SDK1: variants seen among roughly 807,000 people sequenced by gnomAD.
SDK1 encodes protein sidekick-1.
Under a neutral mutation model 245.5 loss-of-function variants are expected in SDK1, and 157 were observed. The ratio of observed to expected loss-of-function variants is 0.64; its 90% confidence interval spans 0.56 to 0.73. SDK1 has a LOEUF of 0.73. Ranked by LOEUF, SDK1 falls within the 30% of genes least tolerant of loss-of-function variation. SDK1 has a pLI of 0.00. For missense variants in SDK1, 3,583 were observed against 3,002.3 expected, an observed-to-expected ratio of 1.19 and a Z score of -4.52; for synonymous variants, 1,647 against 1,278.5, an observed-to-expected ratio of 1.29 and a Z score of -6.15.
chr7:4,017,825 T>A (rs143559376), intron 17 of SDK1, among the ~76,000 whole-genome samples: 1 of 152,240 alleles, frequency 6.6e-6, no homozygotes, highest in Non-Finnish European at 1.5e-5. Flanking sequence ...TTTTCAGTTA[T>A]ACAAGCAAAC....
At chr7:3,776,247 C>T (rs1357767066) in intron 4 of SDK1, among the ~76,000 whole-genome samples, 3 of 152,166 alleles carry the variant, frequency 2.0e-5, no homozygotes, top group Non-Finnish European at 2.9e-5. Flanking sequence ...CAGACATTGT[C>T]AATTTGGTGT....
At chr7:4,121,922 C>T (rs1054285420) in intron 25 of SDK1, among the ~76,000 whole-genome samples, 2 of 152,098 alleles carry the variant, frequency 1.3e-5, no homozygotes, top group Admixed American at 6.5e-5. Flanking sequence ...TTTTGGTTCA[C>T]GTGTTTCCAT....
chr7:3,867,393 G>T (rs1036115819), intron 5 of SDK1, among the ~76,000 whole-genome samples: 1 of 152,188 alleles, frequency 6.6e-6, no homozygotes, highest in Non-Finnish European at 1.5e-5. Flanking sequence ...AAAACCTAAT[G>T]TATTAGTCCA....
intron 1 of SDK1, among the ~76,000 whole-genome samples, chr7:3,537,339 C>A (rs1405300117): frequency 6.6e-6 from 1 of 152,188 alleles, no homozygotes; most frequent in Non-Finnish European, 1.5e-5. Context: ...GGCCCTAAGT[C>A]ACACAGCTGG....
In SDK1 at chr7:3,962,814, A is replaced by G; in HGVS notation, c.1392A>G (p.Gly464=). The G allele has an allele frequency of 6.2e-7, 1 of 1,613,512 alleles. No homozygotes were observed. Among genetic ancestry groups the G allele is most frequent in the East Asian group, 2.2e-5 (1 of 44,872 alleles). The change falls in exon 9 of 45, where the codon GGA becomes GGG. Residue 464 remains glycine (G), a synonymous_variant. Transcript: ENST00000404826. ...TCCAGTGCTTCGCCAGCAATGAAGG[A>G]GGGGAGATCCAGACCCACACCTACC... ...GIFQCFASNE[G]GEIQTHTYLD...
At chr7:3,360,885 A>G (rs1229608585) in intron 1 of SDK1, among the ~76,000 whole-genome samples, 10 of 93,706 alleles carry the variant, frequency 1.1e-4, no homozygotes, top group African/African-American at 3.7e-4. Flanking sequence ...AGTACTGCCT[A>G]TGTGTCATGA....
At chr7:3,635,100 T>C (rs796466777) in intron 2 of SDK1, among the ~76,000 whole-genome samples, 1 of 152,360 alleles carries the variant, frequency 6.6e-6, no homozygotes, top group African/African-American at 2.4e-5. Context: ...TCACAGCATG[T>C]AATAATCAAA....
chr7:3,468,000 T>G (rs116937062), intron 1 of SDK1, among the ~76,000 whole-genome samples: 673 of 152,214 alleles, frequency 4.4e-3, no homozygotes, highest in Non-Finnish European at 7.4e-3. Flanking sequence ...AGATTTTAAA[T>G]CGTTTTCCAC....
At chr7:4,159,066 G>T (rs932386052) in intron 31 of SDK1, among the ~76,000 whole-genome samples, 1 of 152,204 alleles carries the variant, frequency 6.6e-6, no homozygotes, top group Non-Finnish European at 1.5e-5. Context: ...TATCAGCCGC[G>T]TCCAGCGGTG....
In SDK1 at chr7:3,637,092, T is replaced by C. The variant is rs543934100; in HGVS notation, c.459-1912T>C. On this transcript the variant is annotated intron_variant, in intron 2 of 44. Transcript: ENST00000404826. ...GAGAGAGAGTGCGTGCGCGCGTGTGTGTGTGTGTGTGTGTGTGTGTTTTGA... is the reference window on the plus strand; with the variant it reads ...GAGAGAGAGTGCGTGCGCGCGTGTGCGTGTGTGTGTGTGTGTGTGTTTTGA... Among the ~76,000 whole-genome samples, 674 of 149,998 alleles carry C rather than the reference T, an allele frequency of 4.5e-3. 8 individuals are homozygous for C. The highest frequency in any genetic ancestry group is 0.015 in the African/African-American group (617 of 40,872).
chr7:3,832,014 G>C (rs1317752292), intron 5 of SDK1, among the ~76,000 whole-genome samples: 3 of 152,080 alleles, frequency 2.0e-5, no homozygotes, highest in Non-Finnish European at 4.4e-5. Flanking sequence ...TCACACCACT[G>C]TACTCCAGCC....
intron 1 of SDK1, among the ~76,000 whole-genome samples, chr7:3,367,002 A>G (rs1038228047): frequency 7.2e-5 from 11 of 152,086 alleles, no homozygotes; most frequent in African/African-American, 2.7e-4. Flanking sequence ...AGCCTCCCAA[A>G]GTGCTGGGAT....
intron 5 of SDK1, among the ~76,000 whole-genome samples, chr7:3,840,920 C>G (rs1024730106): frequency 6.6e-6 from 1 of 152,166 alleles, no homozygotes; most frequent in African/African-American, 2.4e-5. Context: ...AAGGACCACC[C>G]TAGAGAGAAT....
chr7:4,260,471 TG>T (rs1281176234), intron 44 of SDK1, among the ~76,000 whole-genome samples: 1 of 139,464 alleles, frequency 7.2e-6, no homozygotes, highest in Non-Finnish European at 1.6e-5. Flanking sequence ...TCTCTGTGTG[TG>T]TGGGAAGATG....
In SDK1 at chr7:3,569,625, C is replaced by T. The variant is rs772349986; in HGVS notation, c.299-49455C>T. On this transcript the variant is annotated intron_variant, in intron 1 of 44. Transcript: ENST00000404826. ...TCTTCAAGGCAATTTTCACTTCCAA[C>T]GTGATCTACAGAAGTGCTCACAAGA... Among the ~76,000 whole-genome samples the T allele has an allele frequency of 3.9e-5, 6 of 152,194 alleles. No homozygotes were observed. In the East Asian group the frequency reaches 5.8e-4, roughly 15 times the overall value.
chr7:3,850,022 A>C (rs1780378950), intron 5 of SDK1, among the ~76,000 whole-genome samples: 1 of 152,238 alleles, frequency 6.6e-6, no homozygotes, highest in Non-Finnish European at 1.5e-5. Context: ...AAGGCTCAGT[A>C]GAGTTTCTTG....
chr7:4,174,313 C>T lies in SDK1; in HGVS notation c.4892C>T (p.Ala1631Val). The change falls in exon 33 of 45, where the codon GCC (alanine) becomes GTC (valine). Residue 1631 changes from alanine (A) to valine (V), a missense_variant. Ala to Val is a moderately conservative substitution (Grantham distance 64). Coordinates refer to ENST00000404826, the MANE Select transcript of SDK1 (RefSeq NM_152744.4). ...LEYEAGSGTEAKTLKNPIALH... is the reference protein window; with the variant it reads ...LEYEAGSGTEVKTLKNPIALH... ...TATGAAGCCGGGTCAGGCACTGAGGCCAAGACGCTCAAAAACCCTATAGCT... is the reference window on the plus strand; with the variant it reads ...TATGAAGCCGGGTCAGGCACTGAGGTCAAGACGCTCAAAAACCCTATAGCT... The T allele has an allele frequency of 1.9e-6, 3 of 1,613,870 alleles. No individual in the cohort carries two copies. The highest frequency in any genetic ancestry group is 2.5e-6 in the Non-Finnish European group (3 of 1,179,790).
At chr7:3,891,910 A>G (rs1164946734) in intron 5 of SDK1, among the ~76,000 whole-genome samples, 2 of 152,172 alleles carry the variant, frequency 1.3e-5, no homozygotes, top group African/African-American at 4.8e-5. Context: ...GGAGGAGGCA[A>G]GGTGCATTTT....
At position 3,687,056 on chromosome 7, in the gene SDK1, AACACAC is replaced by A. The variant is rs200034994; in HGVS notation, c.713+44990_713+44995del. Among the ~76,000 whole-genome samples the A allele has an allele frequency of 4.4e-3, 589 of 135,238 alleles. 6 individuals carry two copies. The highest frequency in any genetic ancestry group is 0.015 in the African/African-American group (525 of 34,072). 88.7% of individuals were successfully genotyped at this position (135,238 alleles called of 152,430 possible). On this transcript the variant is annotated intron_variant, in intron 4 of 44. Transcript: ENST00000404826. ...CCAAACTGGGTTGGGATAGCATCAAAACACACACACACACACACACACACACACACA... is the reference window on the plus strand; with the variant it reads ...CCAAACTGGGTTGGGATAGCATCAAAACACACACACACACACACACACACA...
Sources: allele counts gnomAD v4.1 joint callset (sites outside exome capture counted in the v4.1 genomes callset), GRCh38; gene constraint gnomAD v4.1.1; transcripts MANE v1.5; gene names NCBI Gene and HGNC (gene_info 2026-07-23, HGNC 2026-07-21).